MGRN1: variants seen among roughly 807,000 people sequenced by gnomAD.
MGRN1 encodes mahogunin ring finger 1, also known as E3 ubiquitin-protein ligase MGRN1.
MGRN1 carries 29 observed loss-of-function variants against 69.2 expected under a neutral mutation model. That is an observed-to-expected ratio of 0.42 (90% CI 0.31 to 0.57). The LOEUF is 0.57. Among genes scored for constraint, MGRN1 ranks in the 20% least tolerant of loss-of-function variants. The pLI is 0.15. For missense variants in MGRN1, 998 were observed against 796.2 expected, an observed-to-expected ratio of 1.25 and a Z score of -3.05; for synonymous variants, 470 against 344.2, an observed-to-expected ratio of 1.37 and a Z score of -4.04.
At chr16:4,652,104 G>A in intron 3 of MGRN1, 53 bp downstream of exon 3, 1 of 1,562,712 alleles carries the variant, frequency 6.4e-7, no homozygotes, top group Non-Finnish European at 8.8e-7. Flanking sequence ...CGCAGCCTGT[G>A]GTGGAGGTTC....
Position 4,683,950 on chromosome 16 carries a change from TG to T in MGRN1, c.1618+23del. The T allele has an allele frequency of 2.2e-6, 1 of 464,984 alleles. No homozygotes were observed. Among genetic ancestry groups the T allele is most frequent in the African/African-American group, 2.2e-5 (1 of 44,524 alleles). 28.8% of individuals were successfully genotyped at this position (464,984 alleles called of 1,614,324 possible). On this transcript the variant is annotated intron_variant, in intron 16 of 16. Coordinates refer to ENST00000262370, the MANE Select transcript of MGRN1 (RefSeq NM_015246.4). ...CCTGCCAGGTAAGGGGCTGGGGGTCTGGGGGTGAGGGGCTGGGTGCCTGTCT... is the reference window on the plus strand; with the variant it reads ...CCTGCCAGGTAAGGGGCTGGGGGTCTGGGGTGAGGGGCTGGGTGCCTGTCT...
chr16:4,638,476 T>A (rs841173), intron 1 of MGRN1, among the ~76,000 whole-genome samples: 38,094 of 150,608 alleles, frequency 0.25, 5,733 homozygotes, highest in African/African-American at 0.43. Flanking sequence ...AAAAAAAAAA[T>A]AAATAAATAT....
chr16:4,664,006 G>A (rs1228783998), intron 5 of MGRN1: 1 of 152,548 alleles, frequency 6.6e-6, no homozygotes, highest in Non-Finnish European at 1.5e-5. Context: ...GAGTTGCCCA[G>A]TGACCAGCAC....
At chr16:4,688,757 A>G (rs1461735336) in intron 16 of MGRN1, 39 bp from the exon 17 acceptor site, 13 of 1,515,430 alleles carry the variant, frequency 8.6e-6, no homozygotes, top group East Asian at 5.0e-5. Flanking sequence ...GGCACCAGGC[A>G]TCCGAGTGTG....
At chr16:4,642,501 T>TGTGTGTG (rs1377829789) in intron 1 of MGRN1, among the ~76,000 whole-genome samples, 4 of 151,076 alleles carry the variant, frequency 2.6e-5, no homozygotes, top group African/African-American at 4.9e-5. Context: ...TGTGTGTGTG[T>TGTGTGTG]TTTTAGTAGA....
At chr16:4,686,010 C>T (rs1235639435) in intron 16 of MGRN1, among the ~76,000 whole-genome samples, 1 of 152,246 alleles carries the variant, frequency 6.6e-6, no homozygotes, top group Non-Finnish European at 1.5e-5. Flanking sequence ...TTCATGCGCC[C>T]TTCCCTAGGC....
Position 4,665,978 on chromosome 16 carries a change from C to T in MGRN1, c.678+827C>T, listed in dbSNP as rs146327030. Among the ~76,000 whole-genome samples, 1,130 of 152,010 alleles carry T rather than the reference C, an allele frequency of 7.4e-3. 9 individuals carry two copies. The highest frequency in any genetic ancestry group is 0.012 in the Non-Finnish European group (795 of 67,980). On this transcript the variant is annotated intron_variant, in intron 7 of 16. Transcript: ENST00000262370. ...CCAAGCAGCTGGTACTACAGATGCCCGCCACCATGCCCAGCTAATTTTTTT... is the reference window on the plus strand; with the variant it reads ...CCAAGCAGCTGGTACTACAGATGCCTGCCACCATGCCCAGCTAATTTTTTT...
At chr16:4,652,078 C>T (rs1213830604) in intron 3 of MGRN1, 27 bp downstream of exon 3, 5 of 1,603,450 alleles carry the variant, frequency 3.1e-6, no homozygotes, top group Non-Finnish European at 3.4e-6. Flanking sequence ...CCTGGGGACC[C>T]TGTGGCTCTG....
chr16:4,676,713 C>G (rs1316415458), intron 10 of MGRN1, among the ~76,000 whole-genome samples: 1 of 152,162 alleles, frequency 6.6e-6, no homozygotes, highest in Non-Finnish European at 1.5e-5. Context: ...AAAGGTGTCT[C>G]AGGAACATTC....
At chr16:4,636,194 A>C (rs1405812334) in intron 1 of MGRN1, among the ~76,000 whole-genome samples, 5 of 152,068 alleles carry the variant, frequency 3.3e-5, no homozygotes, top group African/African-American at 1.2e-4. Flanking sequence ...ATAGAGCAGT[A>C]CCGGCCCCCA....
intron 16 of MGRN1, chr16:4,686,751 C>T (rs371627601): frequency 3.2e-5 from 32 of 1,000,146 alleles, no homozygotes; most frequent in East Asian, 2.1e-4. Context: ...GGCCTTGTTC[C>T]GGATGGTCCC....
chr16:4,682,829 A>G lies in MGRN1; in HGVS notation c.1365A>G (p.Leu455=), dbSNP rs2079219125. The G allele has an allele frequency of 6.9e-6, 11 of 1,585,202 alleles. No individual in the cohort carries two copies. The South Asian group carries it at 9.0e-5, about 13-fold the overall frequency. ...CCCTCTCCTCTGTCCCCAGCACCCT[A>G]CGGTCCCCGTCTTCCCCCATCCACG... ...RPQSKAPDST[L]RSPSSPIHEE... is the part of the protein sequence containing the mutation. The change falls in exon 14 of 17, where the codon CTA becomes CTG. Residue 455 remains leucine (L), a synonymous_variant. Transcript: ENST00000262370.
chr16:4,646,422 C>CAA (rs530306184), intron 1 of MGRN1, among the ~76,000 whole-genome samples: 46 of 140,748 alleles, frequency 3.3e-4, no homozygotes, highest in African/African-American at 1.1e-3. Context: ...GACCCTGTCT[C>CAA]AAAAAAAAAA....
chr16:4,665,488 C>T (rs1462346184), intron 7 of MGRN1, among the ~76,000 whole-genome samples: 2 of 151,550 alleles, frequency 1.3e-5, no homozygotes, highest in Non-Finnish European at 2.9e-5. Flanking sequence ...CCCACCTCAA[C>T]CTCCCGAGTA....
intron 10 of MGRN1, 32 bp downstream of exon 10, chr16:4,673,689 G>A (rs757784255): frequency 4.4e-6 from 7 of 1,608,210 alleles, no homozygotes; most frequent in Non-Finnish European, 5.9e-6. Flanking sequence ...TCTGTGGAAG[G>A]TTCTGGAAAT....
intron 5 of MGRN1, among the ~76,000 whole-genome samples, chr16:4,659,574 C>T (rs1052524085): frequency 6.6e-6 from 1 of 152,236 alleles, no homozygotes; most frequent in Non-Finnish European, 1.5e-5. Context: ...TGGCACTGGA[C>T]CCGCCAGGGG....
intron 1 of MGRN1, among the ~76,000 whole-genome samples, chr16:4,627,594 T>C (rs918138631): frequency 6.6e-6 from 1 of 151,928 alleles, no homozygotes; most frequent in Non-Finnish European, 1.5e-5. Flanking sequence ...GAGACCATCC[T>C]GGCTAACACG....
At chr16:4,687,784 T>C in intron 16 of MGRN1, 1 of 985,456 alleles carries the variant, frequency 1.0e-6, no homozygotes, top group Non-Finnish European at 1.2e-6. Context: ...TAAGAGGCCC[T>C]TTCCCCTTGG....
At chr16:4,655,216 G>A (rs913366332) in intron 4 of MGRN1, among the ~76,000 whole-genome samples, 1 of 152,186 alleles carries the variant, frequency 6.6e-6, no homozygotes, top group Non-Finnish European at 1.5e-5. Flanking sequence ...ACACAGGCCA[G>A]TGTAAGTTGT....
Sources: allele counts gnomAD v4.1 joint callset (sites outside exome capture counted in the v4.1 genomes callset), GRCh38; gene constraint gnomAD v4.1.1; transcripts MANE v1.5; gene names NCBI Gene and HGNC (gene_info 2026-07-23, HGNC 2026-07-21).